Variants in METTL8 observed in about 807,000 individuals in gnomAD.
METTL8 encodes the protein tRNA N(3)-cytidine methyltransferase METTL8, mitochondrial.
METTL8 carries 32 observed loss-of-function variants against 48.7 expected under a neutral mutation model. The ratio of observed to expected loss-of-function variants is 0.66; its 90% CI spans 0.50 to 0.88. METTL8 has a LOEUF of 0.88. Ranked by LOEUF, METTL8 falls within the 40% of genes least tolerant of loss-of-function variation. The pLI is 0.00. For missense variants in METTL8, 464 were observed against 474.4 expected, an observed-to-expected ratio of 0.98 and a Z score of 0.20; for synonymous variants, 136 against 157.1, an observed-to-expected ratio of 0.87 and a Z score of 1.01.
In METTL8 at chr2:171,319,837, A is replaced by C. The variant is rs886903486; in HGVS notation, c.*4335T>G. The C allele has an allele frequency of 2.0e-5, 3 of 152,172 alleles. No homozygotes were observed. Among genetic ancestry groups the C allele is most frequent in the African/African-American group, 7.2e-5 (3 of 41,446 alleles). 9.4% of individuals were successfully genotyped at this position (152,172 alleles called of 1,614,324 possible). Reference sequence around the variant, plus strand: ...GTGAATTTTTAGAAATGGAGAAAAAAATGAAGGGTGCATTTAAACAATATA... The same window carrying C: ...GTGAATTTTTAGAAATGGAGAAAAACATGAAGGGTGCATTTAAACAATATA... On this transcript the variant is annotated 3_prime_UTR_variant, in exon 10 of 10. Coordinates refer to ENST00000375258, the MANE Select transcript of METTL8 (RefSeq NM_001321154.2).
At chr2:171,348,527 A>C (rs1683540322) in intron 3 of METTL8, among the ~76,000 whole-genome samples, 2 of 152,182 alleles carry the variant, frequency 1.3e-5, no homozygotes, top group Admixed American at 6.5e-5. Context: ...TGACCAAAAA[A>C]TGATAACCAG....
intron 1 of METTL8, among the ~76,000 whole-genome samples, chr2:171,397,352 T>TAAAAAAAAAAAAAAAAAA (rs71013039): frequency 8.5e-5 from 1 of 11,708 alleles, no homozygotes; most frequent in Non-Finnish European, 1.6e-4. Context: ...ACCCTGTCTC[T>TAAAAAAAAAAAAAAAAAA]AAAAAAAAAA....
intron 2 of METTL8, among the ~76,000 whole-genome samples, chr2:171,387,735 A>C (rs1688214914): frequency 6.6e-6 from 1 of 152,140 alleles, no homozygotes; most frequent in Non-Finnish European, 1.5e-5. Flanking sequence ...TTATTAATAT[A>C]TTTCAAGTGC....
chr2:171,333,415 A>C (rs1407961453), intron 5 of METTL8, among the ~76,000 whole-genome samples: 1 of 152,178 alleles, frequency 6.6e-6, no homozygotes, highest in Non-Finnish European at 1.5e-5. Flanking sequence ...ATATTCTTAA[A>C]GGCAACTCAT....
chr2:171,388,257 G>C (rs1049245771), intron 2 of METTL8, among the ~76,000 whole-genome samples: 2 of 152,098 alleles, frequency 1.3e-5, no homozygotes, highest in African/African-American at 4.8e-5. Flanking sequence ...TCTTCCTGCT[G>C]ATCAGTCTAG....
intron 2 of METTL8, among the ~76,000 whole-genome samples, chr2:171,384,264 T>C (rs1687836801): frequency 1.3e-5 from 2 of 152,162 alleles, no homozygotes; most frequent in South Asian, 2.1e-4. Context: ...TCCCAGCACA[T>C]TGGGAGGCTG....
At chr2:171,334,989 G>A (rs1685934650) in intron 5 of METTL8, among the ~76,000 whole-genome samples, 1 of 152,166 alleles carries the variant, frequency 6.6e-6, no homozygotes, top group South Asian at 2.1e-4. Context: ...ATAATACCTT[G>A]AGATCAGTCA....
Position 171,427,370 on chromosome 2 carries a change from A to T in METTL8, c.-13+6513T>A, listed in dbSNP as rs903510447. 3.9e-5 allele frequency among the ~76,000 whole-genome samples: 6 copies of T among 152,298 alleles called. No individual in the cohort carries two copies. The East Asian group carries it at 1.2e-3, about 29-fold the overall frequency. ...TCTATAGCCATAATGACCTTTTTAT[A>T]ACACAAAATAGATCATATCACTCCC... On this transcript the variant is annotated intron_variant, in intron 1 of 9. Transcript: ENST00000375258.
At chr2:171,402,980 TA>T (rs1689792581) in intron 1 of METTL8, among the ~76,000 whole-genome samples, 2 of 152,248 alleles carry the variant, frequency 1.3e-5, no homozygotes, top group South Asian at 4.1e-4. Flanking sequence ...ACCCAAAGTA[TA>T]AAATAAATAT....
chr2:171,330,006 T>C (rs1372850705), intron 7 of METTL8, among the ~76,000 whole-genome samples: 1 of 152,228 alleles, frequency 6.6e-6, no homozygotes, highest in East Asian at 1.9e-4. Flanking sequence ...TGTATGAAAC[T>C]AAGTCATAAA....
intron 3 of METTL8, among the ~76,000 whole-genome samples, chr2:171,354,180 C>T (rs527762122): frequency 2.6e-5 from 4 of 152,208 alleles, no homozygotes; most frequent in African/African-American, 9.6e-5. Flanking sequence ...TCAGCATTTG[C>T]TTGTCTGTAA....
chr2:171,352,225 GT>G (rs1684014894), intron 3 of METTL8, among the ~76,000 whole-genome samples: 1 of 152,172 alleles, frequency 6.6e-6, no homozygotes, highest in African/African-American at 2.4e-5. Flanking sequence ...TAATCATGTG[GT>G]TTTTATCTTT....
At chr2:171,370,065 C>CA (rs879757860) in intron 2 of METTL8, among the ~76,000 whole-genome samples, 646 of 104,250 alleles carry the variant, frequency 6.2e-3, no homozygotes, top group Middle Eastern at 0.013. Flanking sequence ...GACTCCATCT[C>CA]AAAAAAAAAA....
intron 3 of METTL8, among the ~76,000 whole-genome samples, chr2:171,349,794 G>C (rs989046155): frequency 1.3e-5 from 2 of 151,836 alleles, no homozygotes; most frequent in East Asian, 3.8e-4. Flanking sequence ...ATACACAAGG[G>C]CTCCAATTTC....
chr2:171,390,543 C>T (rs1445065394), intron 2 of METTL8, among the ~76,000 whole-genome samples: 1 of 152,164 alleles, frequency 6.6e-6, no homozygotes, highest in Non-Finnish European at 1.5e-5. Flanking sequence ...AAAATAATAA[C>T]ATCAATAGGA....
At chr2:171,425,007 T>C (rs1692258520) in intron 1 of METTL8, among the ~76,000 whole-genome samples, 1 of 152,122 alleles carries the variant, frequency 6.6e-6, no homozygotes, top group South Asian at 2.1e-4. Flanking sequence ...GTTCTCATGA[T>C]AGTGAGTGTG....
intron 3 of METTL8, 125 bp downstream of exon 3, chr2:171,360,297 T>C (rs1229257648): frequency 1.2e-5 from 9 of 720,470 alleles, no homozygotes; most frequent in Non-Finnish European, 1.8e-5. Flanking sequence ...GAACTGGGAA[T>C]TCTACCAAAT....
intron 2 of METTL8, among the ~76,000 whole-genome samples, chr2:171,387,959 C>T (rs959370497): frequency 3.3e-5 from 5 of 152,216 alleles, no homozygotes; most frequent in African/African-American, 1.2e-4. Context: ...ACTTCTTCAG[C>T]TCTGACCACT....
intron 2 of METTL8, among the ~76,000 whole-genome samples, chr2:171,382,831 G>A (rs1033966033): frequency 2.6e-4 from 39 of 152,164 alleles, no homozygotes; most frequent in African/African-American, 9.2e-4. Flanking sequence ...CCAGCACCTT[G>A]GGAGGCTGAG....
Sources: allele counts gnomAD v4.1 joint callset (sites outside exome capture counted in the v4.1 genomes callset), GRCh38; gene constraint gnomAD v4.1.1; transcripts MANE v1.5; gene names NCBI Gene and HGNC (gene_info 2026-07-23, HGNC 2026-07-21).